MUC6: variants seen among roughly 807,000 people sequenced by gnomAD.
MUC6 encodes the protein mucin 6, oligomeric mucus/gel-forming (gene/pseudogene).
In MUC6, 188 loss-of-function variants were observed where a neutral mutation model predicts 201.5. The ratio of observed to expected loss-of-function variants is 0.93; its 90% CI spans 0.83 to 1.05. The LOEUF (loss-of-function observed/expected upper bound fraction) is 1.05. Among genes scored for constraint, MUC6 ranks in the 50% least tolerant of loss-of-function variants. The pLI, the probability that MUC6 is intolerant of heterozygous loss-of-function variation, is 0.00. For synonymous variants in MUC6, 1,228 were observed against 1,389.4 expected (o/e 0.88, Z 2.58); for missense variants, 2,706 against 3,256.9 (o/e 0.83, Z 4.12).
At chr11:1,026,708 A>C (rs1856968112) in intron 19 of MUC6, among the ~76,000 whole-genome samples, 1 of 152,100 alleles carries the variant, frequency 6.6e-6, no homozygotes, top group Admixed American at 6.5e-5. Flanking sequence ...ACCCACTCCC[A>C]CACATGGGCA....
At position 1,029,306 on chromosome 11, in the gene MUC6, C is replaced by T. The variant is rs1391626642; in HGVS notation, c.1197G>A (p.Leu399=). 2.5e-6 allele frequency: 4 copies of T among 1,606,304 alleles called. No individual in the cohort carries two copies. Among genetic ancestry groups the T allele is most frequent in the African/African-American group, 2.7e-5 (2 of 74,946 alleles). ...TERPCPGHCS[L]EGGSFVTTFD... ...ATGTGGTAACAAAGGAGCCACCTTCCAGGGAGCAGTGTCCGGGGCACGGCC... is the reference window on the plus strand; with the variant it reads ...ATGTGGTAACAAAGGAGCCACCTTCTAGGGAGCAGTGTCCGGGGCACGGCC... The change falls in exon 10 of 33, where the codon CTG becomes CTA. Residue 399 remains leucine (L), a synonymous_variant. Coordinates refer to ENST00000421673, the MANE Select transcript of MUC6 (RefSeq NM_005961.3).
chr11:1,023,531 G>A lies in MUC6; in HGVS notation c.3504C>T (p.Ser1168=), dbSNP rs766075204. 17 of 1,596,840 alleles carry A rather than the reference G, an allele frequency of 1.1e-5. No homozygotes were observed. The African/African-American group carries it at 1.1e-4, about 10-fold the overall frequency. The change falls in exon 26 of 33, where the codon AGC becomes AGT. Residue 1168 remains serine (S), a synonymous_variant. Transcript: ENST00000421673. ...CACCTTCGATGTTGCTGCCTGGGACGCTCTGTGGCTGGCTGGGGCAGAGGC... is the reference window on the plus strand; with the variant it reads ...CACCTTCGATGTTGCTGCCTGGGACACTCTGTGGCTGGCTGGGGCAGAGGC... ...QPCLCPSQPQ[S]VPGSNIEGCY... is the part of the protein sequence containing the mutation.
rs371142066 is a variant in MUC6 at position 1,021,155 on chromosome 11, C to T, written c.3589+60G>A. The T allele has an allele frequency of 3.8e-5, 55 of 1,451,576 alleles. 1 individual carries two copies. Among genetic ancestry groups the T allele is most frequent in the South Asian group, 3.0e-4 (21 of 71,024 alleles). 89.9% of individuals were successfully genotyped at this position (1,451,576 alleles called of 1,614,324 possible). On this transcript the variant is annotated intron_variant, in intron 27 of 32. Transcript: ENST00000421673. The stretch of plus-strand genomic sequence containing the variant: ...CTCTCCCTTGTTTGTGGGATGTGGA[C>T]GTGCGTTCTGCCTGCATGCAGGCAG...
chr11:1,016,199 G>A lies in MUC6; in HGVS notation c.6602C>T (p.Ser2201Phe), dbSNP rs748712670. 14 of 1,613,148 alleles carry A rather than the reference G, an allele frequency of 8.7e-6. 1 individual carries two copies. In the Admixed American group the frequency reaches 1.0e-4, roughly 12 times the overall value. ...CCTAATGGTAGTAGAGGCAGCTGGA[G>A]AAGAAGGAAAAAGAGGAGATGCAGA... Reference protein sequence around the residue: ...SVSASPLFPSSPAASTTIRAT... With the variant: ...SVSASPLFPSFPAASTTIRAT... Residue 2201 changes from serine (S) to phenylalanine (F), a missense_variant, in exon 31 of 33, where the codon TCT (serine) becomes TTT (phenylalanine). Physicochemically the swap from Ser to Phe is radical, Grantham distance 155 (BLOSUM62 -2). This residue lies in a region of MUC6 where 586 missense variants were observed against 488.0 expected (regional missense o/e 1.20). Transcript: ENST00000421673.
rs775464226 is a variant in MUC6 at position 1,025,030 on chromosome 11, G to A, written c.3039C>T (p.Phe1013=). ...GNFNGNMKDD[F]ETRSRYVASS... ...ATGCCACGTACCTGCTGCGCGTCTCGAAGTCGTCCTTCATGTTCCCGTTGA... is the reference window on the plus strand; with the variant it reads ...ATGCCACGTACCTGCTGCGCGTCTCAAAGTCGTCCTTCATGTTCCCGTTGA... Residue 1013 remains phenylalanine, a synonymous_variant, in exon 24 of 33, where the codon TTC becomes TTT. Coordinates refer to ENST00000421673, the MANE Select transcript of MUC6 (RefSeq NM_005961.3). 6.8e-6 allele frequency: 11 copies of A among 1,612,964 alleles called. No individual in the cohort carries two copies. Among genetic ancestry groups the A allele is most frequent in the Non-Finnish European group, 9.3e-6 (11 of 1,179,814 alleles).
Position 1,025,982 on chromosome 11 carries a change from C to G in MUC6, c.2688+18G>C, listed in dbSNP as rs760479876. 1 of 1,588,432 alleles carries G rather than the reference C, an allele frequency of 6.3e-7. No individual in the cohort carries two copies. Among genetic ancestry groups the G allele is most frequent in the African/African-American group, 1.3e-5 (1 of 74,488 alleles). On this transcript the variant is annotated intron_variant, in intron 21 of 32. Coordinates refer to ENST00000421673, the MANE Select transcript of MUC6 (RefSeq NM_005961.3). ...CCTCTGGGTCCCCGGCCCCTGCGGC[C>G]TGGCACCCGATGGTTACCGTGGCCA...
chr11:1,016,282 T>A lies in MUC6; in HGVS notation c.6519A>T (p.Thr2173=), dbSNP rs199499378. ...AGGAGTGTGACCCCGAGCTCAGGGTTGTGGAGTGCACGGGGGCGGACACGA... is the reference window on the plus strand; with the variant it reads ...AGGAGTGTGACCCCGAGCTCAGGGTAGTGGAGTGCACGGGGGCGGACACGA... ...SSFVSAPVHS[T]TLSSGSHSSL... is the part of the protein sequence containing the mutation. Residue 2173 remains threonine (T), a synonymous_variant, in exon 31 of 33, where the codon ACA becomes ACT. Coordinates refer to ENST00000421673, the MANE Select transcript of MUC6 (RefSeq NM_005961.3). 6 of 1,612,550 alleles carry A rather than the reference T, an allele frequency of 3.7e-6. No individual in the cohort carries two copies. In the African/African-American group the frequency reaches 8.0e-5, roughly 22 times the overall value.
In MUC6 at chr11:1,016,529, G is replaced by C. The variant is rs537995039; in HGVS notation, c.6272C>G (p.Ser2091Trp). ...ATASSSFISSSSWLPQNSSSR... is the reference protein window; with the variant it reads ...ATASSSFISSWSWLPQNSSSR... ...GCTAGAGTTCTGAGGCAGCCAAGAC[G>C]AGGAGGATATGAAGGAAGAAGAGGC... Residue 2091 changes from serine (S) to tryptophan (W), a missense_variant, in exon 31 of 33, where the codon TCG becomes TGG. Coordinates refer to ENST00000421673, the MANE Select transcript of MUC6 (RefSeq NM_005961.3). 1 of 1,613,336 alleles carries C rather than the reference G, an allele frequency of 6.2e-7. No individual in the cohort carries two copies. The highest frequency in any genetic ancestry group is 8.5e-7 in the Non-Finnish European group (1 of 1,179,436).
Position 1,027,178 on chromosome 11 carries a change from C to T in MUC6, c.2247G>A (p.Gly749=), listed in dbSNP as rs1413427335. Reference sequence around the variant, plus strand: ...GTGGCCGCTGCGGGCAACTCAGCCGCCCGTTGATGCAGTGGCTGCAAGAGA... The same window carrying T: ...GTGGCCGCTGCGGGCAACTCAGCCGTCCGTTGATGCAGTGGCTGCAAGAGA... ...INGITCHCIN[G]RLSCPQRPQM... is the part of the protein sequence containing the mutation. Residue 749 remains glycine (G), a synonymous_variant, in exon 18 of 33, where the codon GGG becomes GGA. Coordinates refer to ENST00000421673, the MANE Select transcript of MUC6 (RefSeq NM_005961.3). 7 of 1,612,452 alleles carry T rather than the reference C, an allele frequency of 4.3e-6. No individual in the cohort carries two copies. The highest frequency in any genetic ancestry group is 2.7e-5 in the African/African-American group (2 of 74,938).
intron 29 of MUC6, 122 bp from the exon 30 acceptor site, chr11:1,019,618 G>A (rs950911119): frequency 2.3e-6 from 2 of 876,682 alleles, no homozygotes; most frequent in Non-Finnish European, 1.8e-6. Flanking sequence ...CAGCCTCCTT[G>A]GAGGGGCTCT....
At chr11:1,025,717 C>T in intron 22 of MUC6, 88 bp downstream of exon 22, 3 of 1,264,568 alleles carry the variant, frequency 2.4e-6, no homozygotes, top group Non-Finnish European at 3.3e-6. Context: ...CGGGGCAGGA[C>T]CTGGAGGCTC....
At chr11:1,020,825 G>A in intron 27 of MUC6, 91 bp from the exon 28 acceptor site, 1 of 1,474,786 alleles carries the variant, frequency 6.8e-7, no homozygotes, top group Non-Finnish European at 9.3e-7. Flanking sequence ...AGTCAGAGAT[G>A]CTCACCAAGG....
In MUC6 at chr11:1,016,462, GT is replaced by G. The variant is rs771242231; in HGVS notation, c.6338del (p.His2113ProfsTer2). ...PSSPITTQLP[H>X]LSSATTPVST... ...AAACAGGAGTGGTTGCAGAACTCAA[GT>G]GGGGGAGTTGTGTGGTGATAGGTGA... On this transcript the variant is annotated frameshift_variant, in exon 31 of 33. Transcript: ENST00000421673. LOFTEE classifies it high-confidence loss of function. 3.2e-5 allele frequency: 51 copies of G among 1,613,690 alleles called. No individual in the cohort carries two copies. The highest frequency in any genetic ancestry group is 2.5e-5 in the Non-Finnish European group (30 of 1,179,874).
At chr11:1,021,368 CTTTTTTT>C (rs541461716) in intron 26 of MUC6, 91 bp from the exon 27 acceptor site, 51 of 449,144 alleles carry the variant, frequency 1.1e-4, no homozygotes, top group Middle Eastern at 4.8e-4. Context: ...TTCCTCTCTG[CTTTTTTT>C]TTTTTTTTTT....
At chr11:1,034,709 T>C (rs1857178612) in intron 1 of MUC6, among the ~76,000 whole-genome samples, 1 of 152,146 alleles carries the variant, frequency 6.6e-6, no homozygotes, top group African/African-American at 2.4e-5. Flanking sequence ...ACCTTTCCGA[T>C]GGGGGGTGGC....
chr11:1,013,091 T>C lies in MUC6; in HGVS notation c.*365A>G. 1 of 279,638 alleles carries C rather than the reference T, an allele frequency of 3.6e-6. No homozygotes were observed. Among genetic ancestry groups the C allele is most frequent in the Non-Finnish European group, 6.7e-6 (1 of 148,496 alleles). 17.3% of individuals were successfully genotyped at this position (279,638 alleles called of 1,614,324 possible). The stretch of plus-strand genomic sequence containing the variant: ...CCCCTGATGGGTCTGGTCGAGCGCC[T>C]GCTCTGTGGCTTCATCTGCAGGGTT... On this transcript the variant is annotated 3_prime_UTR_variant, in exon 33 of 33. Transcript: ENST00000421673.
chr11:1,020,587 C>T (rs1261045464), intron 28 of MUC6, 97 bp downstream of exon 28: 40 of 1,534,974 alleles, frequency 2.6e-5, no homozygotes, highest in Non-Finnish European at 3.4e-5. Flanking sequence ...ACTGCCTGCC[C>T]CCTCCCTGCT....
chr11:1,027,433 G>T lies in MUC6; in HGVS notation c.2066C>A (p.Thr689Asn), dbSNP rs769884121. The change falls in exon 17 of 33, where the codon ACC (threonine) becomes AAC (asparagine). Residue 689 changes from threonine to asparagine, a missense_variant. This residue lies in a region of MUC6 where 1,850 missense variants were observed against 1,958.3 expected (regional missense o/e 0.94). Coordinates refer to ENST00000421673, the MANE Select transcript of MUC6 (RefSeq NM_005961.3). ...RTCLSLSDRATECHHSAVPVD... is the reference protein window; with the variant it reads ...RTCLSLSDRANECHHSAVPVD... Reference sequence around the variant, plus strand: ...GGGCACGGCGCTGTGGTGGCACTCGGTGGCACGGTCCGACAGCGACAGGCA... The same window carrying T: ...GGGCACGGCGCTGTGGTGGCACTCGTTGGCACGGTCCGACAGCGACAGGCA... The T allele has an allele frequency of 1.2e-6, 2 of 1,612,798 alleles. No individual in the cohort carries two copies. The highest frequency in any genetic ancestry group is 1.7e-6 in the Non-Finnish European group (2 of 1,179,810).
chr11:1,028,860 G>C, intron 12 of MUC6, 29 bp downstream of exon 12: 1 of 1,610,692 alleles, frequency 6.2e-7, no homozygotes, highest in Middle Eastern at 1.7e-4. Flanking sequence ...GCACAACTCT[G>C]GGGGGCCACA....
Sources: allele counts gnomAD v4.1 joint callset (sites outside exome capture counted in the v4.1 genomes callset), GRCh38; gene constraint gnomAD v4.1.1; regional missense constraint gnomAD v4.1.1; transcripts MANE v1.5; gene names NCBI Gene and HGNC (gene_info 2026-07-23, HGNC 2026-07-21).